WWTR1: variants seen among roughly 807,000 people sequenced by gnomAD.
WWTR1 encodes WW domain containing transcription regulator 1, also known as WW domain-containing transcription regulator protein 1.
Under a neutral mutation model 40.1 loss-of-function variants are expected in WWTR1, and 13 were observed. The observed-to-expected ratio is 0.32, with a 90% CI of 0.21 to 0.52. The LOEUF (loss-of-function observed/expected upper bound fraction) is 0.52, where lower values mean the gene tolerates loss of function less well. WWTR1 is among the 20% of genes least tolerant of loss of function. WWTR1 has a pLI of 0.97. For missense variants in WWTR1, 436 were observed against 523.1 expected, an observed-to-expected ratio of 0.83 and a Z score of 1.63; for synonymous variants, 230 against 210.1, an observed-to-expected ratio of 1.09 and a Z score of -0.82.
intron 4 of WWTR1, chr3:149,540,930 T>C (rs1736066462): frequency 4.7e-6 from 2 of 425,844 alleles, no homozygotes; most frequent in Admixed American, 5.5e-5. Flanking sequence ...TGGAATGTAT[T>C]TGATGAGAAA....
intron 2 of WWTR1, among the ~76,000 whole-genome samples, chr3:149,594,380 C>T (rs775371801): frequency 1.3e-5 from 2 of 151,046 alleles, no homozygotes; most frequent in African/African-American, 4.9e-5. Context: ...TTGAGCAAGC[C>T]GATGTAAAAA....
At chr3:149,657,341 T>G in intron 1 of WWTR1, 32 bp from the exon 2 acceptor site, 4 of 1,576,894 alleles carry the variant, frequency 2.5e-6, no homozygotes, top group Non-Finnish European at 3.4e-6. Context: ...AGCCTTTTAT[T>G]TAAAGTCGGA....
At chr3:149,654,643 C>T (rs888720175) in intron 2 of WWTR1, among the ~76,000 whole-genome samples, 3 of 148,710 alleles carry the variant, frequency 2.0e-5, no homozygotes, top group African/African-American at 7.8e-5. Flanking sequence ...TGAGCTACTC[C>T]AATCATTCAA....
chr3:149,680,462 T>C (rs1714419331), intron 1 of WWTR1, among the ~76,000 whole-genome samples: 1 of 152,100 alleles, frequency 6.6e-6, no homozygotes, highest in Admixed American at 6.6e-5. Context: ...AAGAATTGCT[T>C]GAACCCAGGA....
chr3:149,656,104 T>G (rs971999915), intron 2 of WWTR1, among the ~76,000 whole-genome samples: 17 of 152,224 alleles, frequency 1.1e-4, no homozygotes, highest in African/African-American at 4.1e-4. Flanking sequence ...TCCTCTAGTG[T>G]TTGAGAATAT....
chr3:149,527,663 A>C (rs954174154), intron 5 of WWTR1, among the ~76,000 whole-genome samples, 173 bp downstream of exon 5: 1 of 152,210 alleles, frequency 6.6e-6, no homozygotes, highest in African/African-American at 2.4e-5. Flanking sequence ...TTTAACAGGC[A>C]GATGATTTCC....
intron 2 of WWTR1, among the ~76,000 whole-genome samples, chr3:149,622,486 G>A (rs7430129): frequency 1.0e-3 from 98 of 94,366 alleles, no homozygotes; most frequent in African/African-American, 3.1e-3. Context: ...AGGAAGGAAG[G>A]AAGGAAGGAA....
At chr3:149,568,008 T>C (rs1202588710) in intron 3 of WWTR1, among the ~76,000 whole-genome samples, 2 of 152,160 alleles carry the variant, frequency 1.3e-5, no homozygotes, top group Admixed American at 6.5e-5. Flanking sequence ...TCTATTTTTT[T>C]CCCTCTTTTG....
chr3:149,562,098 C>G lies in WWTR1; in HGVS notation c.568+10766G>C, dbSNP rs958482582. On this transcript the variant is annotated intron_variant, in intron 3 of 6. Transcript: ENST00000360632. ...TCACCTGAGGTCAGGAGTTCAAGAC[C>G]GGCCTCGCCAACATGGTGAAACCCT... Among the ~76,000 whole-genome samples the G allele has an allele frequency of 2.0e-5, 3 of 152,052 alleles. No individual in the cohort carries two copies. In the South Asian group the frequency reaches 6.2e-4, roughly 32 times the overall value.
At chr3:149,527,191 G>A (rs1379716357) in intron 5 of WWTR1, among the ~76,000 whole-genome samples, 2 of 132,804 alleles carry the variant, frequency 1.5e-5, no homozygotes, top group African/African-American at 6.2e-5. Context: ...TTTCACTCTT[G>A]TTGCCAAGGC....
intron 2 of WWTR1, among the ~76,000 whole-genome samples, chr3:149,640,966 G>A (rs553084701): frequency 1.3e-5 from 2 of 152,220 alleles, no homozygotes; most frequent in South Asian, 2.1e-4. Context: ...TACGTATCAA[G>A]TCACTGGCAA....
chr3:149,627,188 AT>A (rs1350499515), intron 2 of WWTR1, among the ~76,000 whole-genome samples: 2 of 152,196 alleles, frequency 1.3e-5, no homozygotes, highest in African/African-American at 4.8e-5. Flanking sequence ...TTTATTTGAA[AT>A]TCAAATTTAA....
rs1050230476 is a variant in WWTR1 at position 149,520,091 on chromosome 3, T to C, written c.*714A>G. 4 of 152,236 alleles carry C rather than the reference T, an allele frequency of 2.6e-5. No homozygotes were observed. Among genetic ancestry groups the C allele is most frequent in the Non-Finnish European group, 5.9e-5 (4 of 68,046 alleles). 9.4% of individuals were successfully genotyped at this position (152,236 alleles called of 1,614,324 possible). A position where few individuals can be genotyped will look rare whatever the true frequency, so the allele number is the denominator to read the frequency against. ...AAACTGGTCTCTTTCACAAGATCTG[T>C]AGTGTAAGACCTGTGACTAATGCTG... On this transcript the variant is annotated 3_prime_UTR_variant, in exon 7 of 7. Transcript: ENST00000360632.
At chr3:149,623,137 G>A (rs982783507) in intron 2 of WWTR1, among the ~76,000 whole-genome samples, 1 of 152,102 alleles carries the variant, frequency 6.6e-6, no homozygotes, top group Non-Finnish European at 1.5e-5. Context: ...CGAGGTGGGT[G>A]GATCACTTGA....
intron 3 of WWTR1, among the ~76,000 whole-genome samples, chr3:149,561,466 T>C (rs1006021619): frequency 4.6e-5 from 7 of 152,204 alleles, no homozygotes; most frequent in African/African-American, 7.2e-5. Context: ...GTATACCTTT[T>C]TGGAAAGAAA....
chr3:149,541,665 T>G (rs541496840), intron 4 of WWTR1, among the ~76,000 whole-genome samples: 89 of 152,202 alleles, frequency 5.8e-4, no homozygotes, highest in African/African-American at 2.1e-3. Context: ...CCACGACCGT[T>G]TCCAGAGCTA....
At chr3:149,696,112 C>CAAAA (rs368629673) in intron 1 of WWTR1, among the ~76,000 whole-genome samples, 1,008 of 76,984 alleles carry the variant, frequency 0.013, 36 homozygotes, top group East Asian at 0.054. Flanking sequence ...GACTCTGTCT[C>CAAAA]AAAAAAAAAA....
At chr3:149,561,594 C>A (rs540720764) in intron 3 of WWTR1, among the ~76,000 whole-genome samples, 330 of 152,318 alleles carry the variant, frequency 2.2e-3, no homozygotes, top group African/African-American at 7.6e-3. Context: ...TCCAAGGCTG[C>A]ACACTGTGGC....
intron 2 of WWTR1, among the ~76,000 whole-genome samples, chr3:149,585,121 CGTGTGTGT>C (rs61655468): frequency 1.9e-3 from 279 of 144,414 alleles, no homozygotes; most frequent in Middle Eastern, 0.01. Flanking sequence ...TGATTTCTTT[CGTGTGTGT>C]GTGTGTGTGT....
Sources: allele counts gnomAD v4.1 joint callset (sites outside exome capture counted in the v4.1 genomes callset), GRCh38; gene constraint gnomAD v4.1.1; transcripts MANE v1.5; gene names NCBI Gene and HGNC (gene_info 2026-07-23, HGNC 2026-07-21).